Variants in PRKG1 observed in about 807,000 individuals in gnomAD.
The protein encoded by PRKG1 is cGMP-dependent protein kinase 1.
In PRKG1, 35 loss-of-function variants were observed where a neutral mutation model predicts 88.1. The ratio of observed to expected loss-of-function variants is 0.40; its 90% CI spans 0.30 to 0.53. The LOEUF (loss-of-function observed/expected upper bound fraction) is 0.53. Ranked by LOEUF, PRKG1 falls within the 20% of genes least tolerant of loss-of-function variation. PRKG1 has a pLI of 0.59. For synonymous variants in PRKG1, 303 were observed against 292.5 expected, an observed-to-expected ratio of 1.04 and a Z score of -0.37; for missense variants, 540 against 839.8, an observed-to-expected ratio of 0.64 and a Z score of 4.41.
At chr10:52,043,109 T>C (rs528048829) in intron 5 of PRKG1, among the ~76,000 whole-genome samples, 1 of 152,208 alleles carries the variant, frequency 6.6e-6, no homozygotes, top group South Asian at 2.1e-4. Flanking sequence ...AAAAGGAATC[T>C]TATTCTTTGT....
intron 5 of PRKG1, among the ~76,000 whole-genome samples, chr10:51,982,163 G>A (rs1381191452): frequency 6.6e-6 from 1 of 152,110 alleles, no homozygotes; most frequent in Non-Finnish European, 1.5e-5. Context: ...GCTCTATCAG[G>A]TTGATTACAT....
intron 2 of PRKG1, among the ~76,000 whole-genome samples, chr10:51,441,935 C>T (rs1839121730): frequency 6.6e-6 from 1 of 151,878 alleles, no homozygotes; most frequent in Non-Finnish European, 1.5e-5. Flanking sequence ...CACATTTCGG[C>T]ATCTGTCCCT....
intron 2 of PRKG1, among the ~76,000 whole-genome samples, chr10:51,159,386 C>T (rs578181567): frequency 2.1e-4 from 32 of 152,124 alleles, no homozygotes; most frequent in African/African-American, 7.7e-4. Context: ...ATGAGTTTTT[C>T]GTGTTAATCC....
chr10:51,971,214 A>G (rs912755985), intron 5 of PRKG1, among the ~76,000 whole-genome samples: 5 of 152,010 alleles, frequency 3.3e-5, no homozygotes, highest in African/African-American at 1.2e-4. Flanking sequence ...GGATTTGGCA[A>G]TACTCTATTT....
intron 4 of PRKG1, among the ~76,000 whole-genome samples, chr10:51,824,010 A>T (rs1015530821): frequency 6.6e-6 from 1 of 151,732 alleles, no homozygotes; most frequent in African/African-American, 2.4e-5. Flanking sequence ...AGTAGCTAGG[A>T]CTACATGTGT....
intron 9 of PRKG1, among the ~76,000 whole-genome samples, chr10:52,173,994 A>G (rs1838784162): frequency 6.6e-6 from 1 of 152,170 alleles, no homozygotes; most frequent in Non-Finnish European, 1.5e-5. Context: ...GGTTCAGCCC[A>G]GTATGCCTGT....
chr10:51,345,995 C>G (rs368084536), intron 2 of PRKG1, among the ~76,000 whole-genome samples: 1 of 152,226 alleles, frequency 6.6e-6, no homozygotes, highest in East Asian at 1.9e-4. Context: ...GATTCTCTGT[C>G]TTTTTTAACA....
chr10:51,434,993 T>A (rs567907965), intron 2 of PRKG1, among the ~76,000 whole-genome samples: 34 of 152,238 alleles, frequency 2.2e-4, no homozygotes, highest in South Asian at 1.5e-3. Flanking sequence ...TTCTACTTTG[T>A]GTGTGCCGAA....
intron 3 of PRKG1, among the ~76,000 whole-genome samples, chr10:51,495,796 G>A (rs186152335): frequency 4.5e-4 from 69 of 152,250 alleles, no homozygotes; most frequent in Admixed American, 1.0e-3. Flanking sequence ...AGCATACTTC[G>A]GCCAACATGA....
intron 3 of PRKG1, among the ~76,000 whole-genome samples, chr10:51,715,037 T>G (rs1041344803): frequency 6.6e-6 from 1 of 152,166 alleles, no homozygotes; most frequent in Non-Finnish European, 1.5e-5. Flanking sequence ...TGCATATATA[T>G]ATATGAGCTG....
At chr10:51,735,104 C>T (rs1420638035) in intron 3 of PRKG1, among the ~76,000 whole-genome samples, 1 of 152,148 alleles carries the variant, frequency 6.6e-6, no homozygotes, top group African/African-American at 2.4e-5. Context: ...CATCCTTGTG[C>T]CCTAGAAGAC....
intron 1 of PRKG1, among the ~76,000 whole-genome samples, chr10:51,040,059 G>T (rs914118713): frequency 6.6e-6 from 1 of 151,964 alleles, no homozygotes; most frequent in African/African-American, 2.4e-5. Flanking sequence ...GGCTATTCTG[G>T]ATCTTTTATG....
At chr10:52,054,607 G>T (rs373423857) in intron 6 of PRKG1, 46 bp downstream of exon 6, 191 of 1,550,456 alleles carry the variant, frequency 1.2e-4, no homozygotes, top group Non-Finnish European at 1.6e-4. Context: ...GGGAGCCTGG[G>T]GTTGGTTAGT....
intron 2 of PRKG1, among the ~76,000 whole-genome samples, chr10:51,163,945 G>C (rs906313905): frequency 4.6e-5 from 7 of 152,238 alleles, no homozygotes; most frequent in Admixed American, 3.9e-4. Context: ...GCCTGCCTCT[G>C]TAGGCTCCAC....
chr10:51,199,306 T>C (rs1297401093), intron 2 of PRKG1, among the ~76,000 whole-genome samples: 2 of 152,190 alleles, frequency 1.3e-5, no homozygotes, highest in African/African-American at 2.4e-5. Context: ...CAGTCAAATA[T>C]AACCATGTGT....
chr10:51,163,013 A>G (rs9414837), intron 2 of PRKG1, among the ~76,000 whole-genome samples: 10,073 of 152,180 alleles, frequency 0.066, 701 homozygotes, highest in African/African-American at 0.17. Context: ...TCCACCAAGC[A>G]GACCTGCAAA....
chr10:51,914,235 T>G (rs79110606), intron 5 of PRKG1, among the ~76,000 whole-genome samples: 1 of 151,582 alleles, frequency 6.6e-6, no homozygotes, highest in South Asian at 2.1e-4. Context: ...AAAAAAAAAG[T>G]ATTTATCTAA....
rs141954285 is a variant in PRKG1, at chr10:51,628,196, T to C, written c.592+160360T>C. Reference sequence around the variant, plus strand: ...TCTTTTCTTTCTTTTCTTTCTTTCTTTCTCATTCTGTTATCCAGACTGAAG... The same window carrying C: ...TCTTTTCTTTCTTTTCTTTCTTTCTCTCTCATTCTGTTATCCAGACTGAAG... On this transcript the variant is annotated intron_variant, in intron 3 of 17. Transcript: ENST00000373980. 7.4e-5 allele frequency among the ~76,000 whole-genome samples: 11 copies of C among 149,308 alleles called. 1 individual carries two copies. In the East Asian group the frequency reaches 2.2e-3, roughly 29 times the overall value.
intron 9 of PRKG1, among the ~76,000 whole-genome samples, chr10:52,164,554 A>C: frequency 6.6e-6 from 1 of 152,130 alleles, no homozygotes; most frequent in East Asian, 1.9e-4. Context: ...TATGAAATTA[A>C]ACCTTGCCTA....
Sources: gnomAD v4.1 joint callset for allele counts (sites outside exome capture counted in the v4.1 genomes callset) on GRCh38, gnomAD v4.1.1 for gene constraint, MANE v1.5 for transcripts, NCBI Gene and HGNC (gene_info 2026-07-23, HGNC 2026-07-21) for gene names.